Variants in MSRA observed in about 807,000 individuals in gnomAD.
MSRA encodes the protein mitochondrial peptide methionine sulfoxide reductase.
Under a neutral mutation model 31.3 loss-of-function variants are expected in MSRA, and 54 were observed. That is an observed-to-expected ratio of 1.73 (90% CI 1.39 to 2.17). The LOEUF is 2.17. Among genes scored for constraint, MSRA ranks in the 30% most tolerant of loss-of-function variants. The probability of loss-of-function intolerance (pLI) is 0.00; values close to 1 mark genes in which losing one functional copy is unlikely to be tolerated. For missense variants in MSRA, 507 were observed against 300.9 expected (o/e 1.69, Z -5.07); for synonymous variants, 169 against 116.5 (o/e 1.45, Z -2.90).
chr8:10,354,550 C>G (rs953441326), intron 5 of MSRA, among the ~76,000 whole-genome samples: 1 of 152,062 alleles, frequency 6.6e-6, no homozygotes, highest in African/African-American at 2.4e-5. Context: ...GCTTCTATTC[C>G]TTTCTCTATG....
intron 4 of MSRA, among the ~76,000 whole-genome samples, chr8:10,314,834 T>C (rs941137001): frequency 1.3e-5 from 2 of 152,220 alleles, no homozygotes; most frequent in Non-Finnish European, 2.9e-5. Context: ...ATGATCATAA[T>C]TGTAAGTGAA....
intron 1 of MSRA, among the ~76,000 whole-genome samples, chr8:10,060,208 C>T (rs1802631487): frequency 6.6e-6 from 1 of 152,154 alleles, no homozygotes; most frequent in Non-Finnish European, 1.5e-5. Flanking sequence ...CTGGAAACAA[C>T]CCAGGTGCCT....
chr8:10,206,911 C>T (rs1809036138), intron 1 of MSRA, among the ~76,000 whole-genome samples: 1 of 152,224 alleles, frequency 6.6e-6, no homozygotes, highest in African/African-American at 2.4e-5. Flanking sequence ...TAGACCCCTC[C>T]AAGCGTGGCT....
rs10104651 is a variant in MSRA, at chr8:10,118,961, G to T, written c.142+64303G>T. Among the ~76,000 whole-genome samples the T allele has an allele frequency of 4.6e-5, 7 of 152,188 alleles. No individual in the cohort carries two copies. In the East Asian group the frequency reaches 9.7e-4, roughly 21 times the overall value. On this transcript the variant is annotated intron_variant, in intron 1 of 5. Coordinates refer to ENST00000317173, the MANE Select transcript of MSRA (RefSeq NM_012331.5). ...TTCCTGGTCCAGCCCGGGCTGGTCT[G>T]GTCCCCTCCAGATGATCTCAGCGTT...
At chr8:10,413,836 C>G (rs1332132946) in intron 5 of MSRA, among the ~76,000 whole-genome samples, 1 of 152,046 alleles carries the variant, frequency 6.6e-6, no homozygotes, top group African/African-American at 2.4e-5. Flanking sequence ...GTTACATAAC[C>G]TTGAAAATAT....
chr8:10,190,885 A>G (rs1807449566), intron 1 of MSRA, among the ~76,000 whole-genome samples: 1 of 152,118 alleles, frequency 6.6e-6, no homozygotes, highest in Non-Finnish European at 1.5e-5. Flanking sequence ...ACTTAACTAA[A>G]ATCTAAAATG....
At chr8:10,130,922 A>G (rs1166477015) in intron 1 of MSRA, among the ~76,000 whole-genome samples, 1 of 152,180 alleles carries the variant, frequency 6.6e-6, no homozygotes, top group Non-Finnish European at 1.5e-5. Context: ...CCAGGATATA[A>G]AACCTTTCTT....
At chr8:10,416,251 G>A (rs1410164609) in intron 5 of MSRA, among the ~76,000 whole-genome samples, 1 of 152,202 alleles carries the variant, frequency 6.6e-6, no homozygotes, top group Non-Finnish European at 1.5e-5. Flanking sequence ...CAGCCAGTGC[G>A]CAATAACAAT....
At chr8:10,238,041 C>A (rs1274268412) in intron 2 of MSRA, among the ~76,000 whole-genome samples, 1 of 152,176 alleles carries the variant, frequency 6.6e-6, no homozygotes, top group Non-Finnish European at 1.5e-5. Context: ...AATCCGTAGT[C>A]CTTAACCATC....
chr8:10,245,257 G>T (rs746715502), intron 3 of MSRA, 34 bp downstream of exon 3: 1 of 1,601,162 alleles, frequency 6.2e-7, no homozygotes, highest in Admixed American at 1.7e-5. Flanking sequence ...ATTACTAGGA[G>T]AAACAAGGGA....
At chr8:10,241,921 G>A (rs1273424819) in intron 2 of MSRA, among the ~76,000 whole-genome samples, 3 of 152,188 alleles carry the variant, frequency 2.0e-5, no homozygotes. Flanking sequence ...CAAGTAGACT[G>A]TGATCTTCAA....
At chr8:10,323,770 G>GTGTGTGTGTGTGTGTGTGTGTGTGTC (rs1390517566) in intron 5 of MSRA, among the ~76,000 whole-genome samples, 3 of 151,562 alleles carry the variant, frequency 2.0e-5, no homozygotes, top group Non-Finnish European at 2.9e-5. Context: ...GTGTGTGTGT[G>GTGTGTGTGTGTGTGTGTGTGTGTGTC]TGTGTCTGTG....
At chr8:10,335,250 G>GTTTTTTTTTTTTTTTT (rs1170264568) in intron 5 of MSRA, among the ~76,000 whole-genome samples, 9 of 79,882 alleles carry the variant, frequency 1.1e-4, no homozygotes, top group African/African-American at 1.6e-4. Context: ...TCCCAGCTCT[G>GTTTTTTTTTTTTTTTT]TTTTTTTTTT....
chr8:10,158,496 C>G (rs1002011974), intron 1 of MSRA, among the ~76,000 whole-genome samples: 3 of 152,220 alleles, frequency 2.0e-5, no homozygotes, highest in African/African-American at 7.2e-5. Context: ...TGGCTTCTTT[C>G]ACTAGCATAA....
intron 3 of MSRA, among the ~76,000 whole-genome samples, chr8:10,261,663 A>G (rs1450920535): frequency 6.6e-6 from 1 of 152,208 alleles, no homozygotes; most frequent in Non-Finnish European, 1.5e-5. Context: ...GGCTATTAAC[A>G]TCTTAGTGTA....
At chr8:10,399,265 T>C (rs1807292562) in intron 5 of MSRA, among the ~76,000 whole-genome samples, 1 of 152,142 alleles carries the variant, frequency 6.6e-6, no homozygotes, top group Non-Finnish European at 1.5e-5. Context: ...AGAGAGCAAA[T>C]GAGCATGGTC....
chr8:10,345,970 C>A (rs12115130), intron 5 of MSRA, among the ~76,000 whole-genome samples: 32,210 of 152,166 alleles, frequency 0.21, 3,575 homozygotes, highest in Middle Eastern at 0.25. Flanking sequence ...TACAGCCTAC[C>A]TACAGAATCA....
At chr8:10,180,561 T>C (rs1806451292) in intron 1 of MSRA, among the ~76,000 whole-genome samples, 1 of 152,002 alleles carries the variant, frequency 6.6e-6, no homozygotes, top group Admixed American at 6.6e-5. Context: ...CCACCTGGAG[T>C]TACCTCATTA....
At position 10,353,560 on chromosome 8, in the gene MSRA, A is replaced by G. The variant is rs778338980; in HGVS notation, c.543+33571A>G. 5.3e-5 allele frequency: 24 copies of G among 455,346 alleles called. 1 individual carries two copies. The highest frequency in any genetic ancestry group is 1.1e-4 in the South Asian group (7 of 64,436). 28.2% of individuals were successfully genotyped at this position (455,346 alleles called of 1,614,324 possible). On this transcript the variant is annotated intron_variant, in intron 5 of 5. Transcript: ENST00000317173. ...CGACACCTGACGTTTCTGTAACGAG[A>G]TGCAATTTTCTGGGTAGCCTCTGTA...
Sources: gnomAD v4.1 joint callset for allele counts (sites outside exome capture counted in the v4.1 genomes callset) on GRCh38, gnomAD v4.1.1 for gene constraint, MANE v1.5 for transcripts, NCBI Gene and HGNC (gene_info 2026-07-23, HGNC 2026-07-21) for gene names.